Variants in CRPPA observed in about 807,000 individuals in gnomAD.
The protein encoded by CRPPA is CDP-L-ribitol pyrophosphorylase A.
CRPPA carries 43 observed loss-of-function variants against 52.0 expected under a neutral mutation model. That is an observed-to-expected ratio of 0.83 (90% confidence interval 0.65 to 1.07). The LOEUF is 1.07. Among genes scored for constraint, CRPPA ranks in the 50% least tolerant of loss-of-function variants. CRPPA has a pLI of 0.00. For synonymous variants in CRPPA, 250 were observed against 203.5 expected (o/e 1.23, Z -1.94); for missense variants, 629 against 551.7 (o/e 1.14, Z -1.40).
intron 1 of CRPPA, among the ~76,000 whole-genome samples, chr7:16,415,105 T>C (rs1211699417): frequency 1.3e-5 from 2 of 152,254 alleles, no homozygotes; most frequent in Non-Finnish European, 2.9e-5. Flanking sequence ...AGAGGTACTT[T>C]TGAATCTCAT....
chr7:16,154,399 G>A (rs1783134582), intron 9 of CRPPA, among the ~76,000 whole-genome samples: 1 of 151,908 alleles, frequency 6.6e-6, no homozygotes, highest in Admixed American at 6.6e-5. Context: ...CTGTGTCCAT[G>A]TGTTCTCATT....
At chr7:16,161,132 G>C (rs1409066135) in intron 9 of CRPPA, among the ~76,000 whole-genome samples, 1 of 152,140 alleles carries the variant, frequency 6.6e-6, no homozygotes. Context: ...TCTACAAACA[G>C]AGACAATTTG....
chr7:16,105,118 T>C (rs1303811790), intron 9 of CRPPA, among the ~76,000 whole-genome samples: 7 of 151,998 alleles, frequency 4.6e-5, no homozygotes, highest in Non-Finnish European at 2.9e-5. Flanking sequence ...ATTATACAGG[T>C]GTAGAATAGG....
chr7:16,226,762 T>C (rs1046316613), intron 8 of CRPPA, among the ~76,000 whole-genome samples: 1 of 151,978 alleles, frequency 6.6e-6, no homozygotes, highest in Admixed American at 6.6e-5. Context: ...ATGGAATGAC[T>C]AAATCTATAC....
At chr7:16,268,541 T>C (rs1351293126) in intron 6 of CRPPA, among the ~76,000 whole-genome samples, 1 of 152,170 alleles carries the variant, frequency 6.6e-6, no homozygotes. Context: ...TTATGACTTA[T>C]GAGGAGCCTG....
At chr7:16,171,757 C>T (rs1781192192) in intron 9 of CRPPA, among the ~76,000 whole-genome samples, 1 of 152,166 alleles carries the variant, frequency 6.6e-6, no homozygotes, top group African/African-American at 2.4e-5. Context: ...TGTGCCACTG[C>T]ACTCAGCCTG....
chr7:16,211,002 G>C (rs1782120313), intron 9 of CRPPA, among the ~76,000 whole-genome samples: 1 of 152,086 alleles, frequency 6.6e-6, no homozygotes, highest in Non-Finnish European at 1.5e-5. Flanking sequence ...ACAAAGAAAA[G>C]ATAAATATTC....
intron 3 of CRPPA, among the ~76,000 whole-genome samples, chr7:16,371,621 A>G (rs1168141694): frequency 1.3e-5 from 2 of 152,054 alleles, no homozygotes; most frequent in East Asian, 3.9e-4. Flanking sequence ...AAGAATCAGA[A>G]AAGTAATTCT....
chr7:16,152,625 T>A (rs1460929774), intron 9 of CRPPA, among the ~76,000 whole-genome samples: 1 of 152,032 alleles, frequency 6.6e-6, no homozygotes, highest in African/African-American at 2.4e-5. Context: ...AATACTTTAA[T>A]CGCTGTTTTT....
chr7:16,266,064 C>T (rs1783944971), intron 6 of CRPPA, among the ~76,000 whole-genome samples: 1 of 152,190 alleles, frequency 6.6e-6, no homozygotes, highest in Non-Finnish European at 1.5e-5. Flanking sequence ...CCAAAGTCAA[C>T]TCCGGGGGAA....
chr7:16,197,581 CCTGCCT>C (rs1010918001), intron 9 of CRPPA, among the ~76,000 whole-genome samples: 4 of 151,886 alleles, frequency 2.6e-5, no homozygotes, highest in Admixed American at 6.6e-5. Context: ...CGCAATCCTT[CCTGCCT>C]CTGCCTCTGC....
rs1403572413 is a variant in CRPPA, at chr7:16,295,250, C to A, written c.835+6171G>T. 2.6e-5 allele frequency among the ~76,000 whole-genome samples: 4 copies of A among 152,142 alleles called. No individual in the cohort carries two copies. In the East Asian group the frequency reaches 7.7e-4, roughly 29 times the overall value. On this transcript the variant is annotated intron_variant, in intron 5 of 9. Transcript: ENST00000407010. ...AAAGAAATCTACCGGTATCACTTAT[C>A]TGAATAAGATGTAAGTTTCTGAACC... is the stretch of plus-strand genomic sequence containing the variant.
intron 9 of CRPPA, among the ~76,000 whole-genome samples, chr7:16,201,700 C>A (rs1002235942): frequency 2.0e-5 from 3 of 152,130 alleles, no homozygotes; most frequent in Non-Finnish European, 4.4e-5. Flanking sequence ...AGCTGCAGGG[C>A]AGTGGGAATT....
At chr7:16,212,535 G>A (rs566166144) in intron 9 of CRPPA, among the ~76,000 whole-genome samples, 8 of 152,040 alleles carry the variant, frequency 5.3e-5, no homozygotes, top group South Asian at 2.1e-4. Flanking sequence ...TATACACACC[G>A]TAATGAATAA....
intron 2 of CRPPA, among the ~76,000 whole-genome samples, chr7:16,404,142 T>C (rs1787895370): frequency 6.6e-6 from 1 of 152,192 alleles, no homozygotes; most frequent in Non-Finnish European, 1.5e-5. Context: ...TTTTACCCTT[T>C]ATGTTTTAAC....
intron 5 of CRPPA, among the ~76,000 whole-genome samples, chr7:16,286,036 AAAATATAAATATATAT>A (rs1784425311): frequency 1.2e-3 from 22 of 18,800 alleles, no homozygotes; most frequent in African/African-American, 3.9e-3. Flanking sequence ...AAAAAAAAAA[AAAATATAAATATATAT>A]ATATATATAT....
At chr7:16,340,355 G>A (rs1424837296) in intron 3 of CRPPA, among the ~76,000 whole-genome samples, 2 of 151,908 alleles carry the variant, frequency 1.3e-5, no homozygotes, top group Admixed American at 1.3e-4. Context: ...TGTGGTAAAA[G>A]ACTTATCACA....
At chr7:16,104,610 C>T (rs1194022890) in intron 9 of CRPPA, among the ~76,000 whole-genome samples, 1 of 152,128 alleles carries the variant, frequency 6.6e-6, no homozygotes, top group Non-Finnish European at 1.5e-5. Flanking sequence ...AATTAAAAAT[C>T]TCATTAGAGG....
intron 8 of CRPPA, among the ~76,000 whole-genome samples, chr7:16,221,859 TA>T: frequency 6.6e-6 from 1 of 150,658 alleles, no homozygotes; most frequent in Non-Finnish European, 1.5e-5. Context: ...GACTGTAAAC[TA>T]GTTCAACCAT....
Sources: allele counts gnomAD v4.1 joint callset (sites outside exome capture counted in the v4.1 genomes callset), GRCh38; gene constraint gnomAD v4.1.1; transcripts MANE v1.5; gene names NCBI Gene and HGNC (gene_info 2026-07-23, HGNC 2026-07-21).